The following MAGI2 variants were observed in gnomAD, a reference collection of about 807,000 sequenced individuals.
MAGI2 encodes the protein membrane associated guanylate kinase, WW and PDZ domain containing 2, also known as membrane-associated guanylate kinase, WW and PDZ domain-containing protein 2.
Under a neutral mutation model 133.3 loss-of-function variants are expected in MAGI2, and 35 were observed. The observed-to-expected ratio is 0.26, with a 90% CI of 0.20 to 0.35. The LOEUF (loss-of-function observed/expected upper bound fraction) is 0.35, where lower values mean the gene tolerates loss of function less well. Ranked by LOEUF, MAGI2 falls within the 10% of genes least tolerant of loss-of-function variation. The probability of loss-of-function intolerance (pLI) is 1.00; values close to 1 mark genes in which losing one functional copy is unlikely to be tolerated. For synonymous variants in MAGI2, 729 were observed against 710.6 expected, an observed-to-expected ratio of 1.03 and a Z score of -0.41; for missense variants, 1,636 against 1,863.4, an observed-to-expected ratio of 0.88 and a Z score of 2.25.
At chr7:79,358,955 T>C (rs1372864465) in intron 1 of MAGI2, among the ~76,000 whole-genome samples, 2 of 152,042 alleles carry the variant, frequency 1.3e-5, no homozygotes, top group Non-Finnish European at 2.9e-5. Context: ...AAGAATACAG[T>C]CAGAAATCAC....
At chr7:79,165,050 T>C (rs906508827) in intron 1 of MAGI2, among the ~76,000 whole-genome samples, 1 of 152,108 alleles carries the variant, frequency 6.6e-6, no homozygotes, top group Non-Finnish European at 1.5e-5. Context: ...AATCAGAATG[T>C]TTAGGAACTC....
At chr7:78,784,382 A>C (rs1444031328) in intron 2 of MAGI2, among the ~76,000 whole-genome samples, 2 of 152,086 alleles carry the variant, frequency 1.3e-5, no homozygotes, top group Non-Finnish European at 2.9e-5. Flanking sequence ...TCTCTCCAGA[A>C]GTAAGTCATA....
In MAGI2 at chr7:79,407,614, G is replaced by A. The variant is rs1022081764; in HGVS notation, c.301+45406C>T. ...GTTGGTATGACGAACATTGCTATGA[G>A]CTTGTATTTTGTGAGAATTTTGGTC... On this transcript the variant is annotated intron_variant, in intron 1 of 21. Coordinates refer to ENST00000354212, the MANE Select transcript of MAGI2 (RefSeq NM_012301.4). 2.0e-5 allele frequency among the ~76,000 whole-genome samples: 3 copies of A among 152,044 alleles called. No individual in the cohort carries two copies. In the East Asian group the frequency reaches 5.8e-4, roughly 29 times the overall value.
At chr7:78,630,036 C>T (rs1808788656) in intron 2 of MAGI2, among the ~76,000 whole-genome samples, 2 of 152,072 alleles carry the variant, frequency 1.3e-5, no homozygotes, top group South Asian at 2.1e-4. Context: ...AGTCTTCAAG[C>T]AATTCTATAA....
intron 1 of MAGI2, among the ~76,000 whole-genome samples, chr7:79,292,624 C>A (rs1836580394): frequency 6.6e-6 from 1 of 151,008 alleles, no homozygotes. Context: ...CAGAGTGAGA[C>A]CCTGCCACCA....
At chr7:78,783,604 G>C (rs112273337) in intron 2 of MAGI2, among the ~76,000 whole-genome samples, 1 of 152,192 alleles carries the variant, frequency 6.6e-6, no homozygotes, top group Non-Finnish European at 1.5e-5. Flanking sequence ...TTTGCCCCCT[G>C]TAGATTTTCT....
chr7:78,377,658 A>C (rs112463277), intron 6 of MAGI2, among the ~76,000 whole-genome samples: 2 of 151,484 alleles, frequency 1.3e-5, no homozygotes, highest in African/African-American at 4.8e-5. Context: ...AATAATAATA[A>C]AAAATAAAAA....
intron 2 of MAGI2, among the ~76,000 whole-genome samples, chr7:78,725,217 C>G (rs1820653745): frequency 1.3e-5 from 2 of 152,042 alleles, no homozygotes; most frequent in Non-Finnish European, 2.9e-5. Context: ...TTTTAGGGCC[C>G]AAGTTACTAA....
intron 1 of MAGI2, among the ~76,000 whole-genome samples, chr7:79,188,902 G>C (rs945169008): frequency 2.0e-5 from 3 of 151,662 alleles, no homozygotes; most frequent in African/African-American, 7.3e-5. Flanking sequence ...ACAGTATCAG[G>C]CTCTCTAACT....
intron 2 of MAGI2, among the ~76,000 whole-genome samples, chr7:78,760,828 G>A (rs1159097956): frequency 6.6e-6 from 1 of 152,074 alleles, no homozygotes; most frequent in African/African-American, 2.4e-5. Context: ...AATCCTCAGT[G>A]TCTACTTCCA....
intron 2 of MAGI2, among the ~76,000 whole-genome samples, chr7:78,883,642 A>G (rs1796047449): frequency 6.6e-6 from 1 of 152,160 alleles, no homozygotes; most frequent in Non-Finnish European, 1.5e-5. Flanking sequence ...TACAGTAACC[A>G]TAACAGAATG....
intron 2 of MAGI2, among the ~76,000 whole-genome samples, chr7:78,916,890 A>G (rs1354220958): frequency 2.0e-5 from 3 of 152,132 alleles, no homozygotes; most frequent in African/African-American, 7.2e-5. Flanking sequence ...CCATTTCAAA[A>G]AGCTCATTTG....
chr7:78,923,557 C>T (rs2151639754), intron 2 of MAGI2, among the ~76,000 whole-genome samples: 2 of 152,264 alleles, frequency 1.3e-5, no homozygotes, highest in Middle Eastern at 6.8e-3. Flanking sequence ...ATCTATATCT[C>T]TGTTTTGGTA....
At chr7:79,106,714 AG>A (rs1818484127) in intron 1 of MAGI2, among the ~76,000 whole-genome samples, 1 of 152,220 alleles carries the variant, frequency 6.6e-6, no homozygotes, top group African/African-American at 2.4e-5. Flanking sequence ...TTTCTCAACC[AG>A]GTGAAAATAA....
chr7:79,059,375 G>A (rs1311154315), intron 1 of MAGI2, among the ~76,000 whole-genome samples: 1 of 151,990 alleles, frequency 6.6e-6, no homozygotes, highest in East Asian at 1.9e-4. Flanking sequence ...TTGCTGAGGT[G>A]AATGGACTCA....
chr7:78,296,683 C>A (rs1797281496), intron 9 of MAGI2, among the ~76,000 whole-genome samples: 1 of 152,180 alleles, frequency 6.6e-6, no homozygotes, highest in African/African-American at 2.4e-5. Flanking sequence ...TTCTCCACAG[C>A]ATCCTTCTCC....
intron 1 of MAGI2, among the ~76,000 whole-genome samples, chr7:79,241,082 T>C (rs1832369112): frequency 6.6e-6 from 1 of 152,198 alleles, no homozygotes; most frequent in Non-Finnish European, 1.5e-5. Flanking sequence ...TGCTTTCATT[T>C]GGAATAATTA....
intron 1 of MAGI2, among the ~76,000 whole-genome samples, chr7:79,439,575 T>C (rs117824226): frequency 0.025 from 3,878 of 152,200 alleles, 76 homozygotes; most frequent in Non-Finnish European, 0.038. Flanking sequence ...TATTTTTGCC[T>C]CTCCTTCTAC....
intron 10 of MAGI2, among the ~76,000 whole-genome samples, chr7:78,247,518 C>T (rs1160267900): frequency 6.6e-6 from 1 of 151,660 alleles, no homozygotes; most frequent in Non-Finnish European, 1.5e-5. Context: ...CAGTGAGATA[C>T]AAGAGAATAC....
Sources: allele counts gnomAD v4.1 joint callset (sites outside exome capture counted in the v4.1 genomes callset), GRCh38; gene constraint gnomAD v4.1.1; transcripts MANE v1.5; gene names NCBI Gene and HGNC (gene_info 2026-07-23, HGNC 2026-07-21).